Variants in SLC18B1 observed in about 807,000 individuals in gnomAD.
SLC18B1 encodes MFS-type transporter SLC18B1.
Under a neutral mutation model 53.9 loss-of-function variants are expected in SLC18B1, and 62 were observed. That is an observed-to-expected ratio of 1.15 (90% CI 0.94 to 1.42). The LOEUF (loss-of-function observed/expected upper bound fraction) is 1.42. Among genes scored for constraint, SLC18B1 ranks in the 40% most tolerant of loss-of-function variants. The pLI, the probability that SLC18B1 is intolerant of heterozygous loss-of-function variation, is 0.00. For synonymous variants in SLC18B1, 217 were observed against 200.9 expected (o/e 1.08, Z -0.68); for missense variants, 598 against 547.3 (o/e 1.09, Z -0.93).
Position 132,779,414 on chromosome 6 carries a change from A to G in SLC18B1, c.659-10T>C, listed in dbSNP as rs766206166. On this transcript the variant is annotated splice_polypyrimidine_tract_variant and intron_variant, in intron 6 of 13. Coordinates refer to ENST00000275227, the MANE Select transcript of SLC18B1 (RefSeq NM_052831.3). Reference sequence around the variant, plus strand: ...TCACCTGGATCAGACTCTTTAGGGAAAAAATGAAAAAAGAAAAAAAAAATG... The same window carrying G: ...TCACCTGGATCAGACTCTTTAGGGAGAAAATGAAAAAAGAAAAAAAAAATG... The G allele has an allele frequency of 6.4e-7, 1 of 1,567,970 alleles. No homozygotes were observed. Among genetic ancestry groups the G allele is most frequent in the Non-Finnish European group, 8.6e-7 (1 of 1,156,628 alleles).
In SLC18B1 at chr6:132,790,291, G is replaced by T; in HGVS notation, c.184-19C>A. On this transcript the variant is annotated intron_variant, in intron 2 of 13. Transcript: ENST00000275227. Reference sequence around the variant, plus strand: ...TTTCAGCCTTTAAGTAATAGAAACGGAAACAAAGTTTCAAAGAAAAATTAG... The same window carrying T: ...TTTCAGCCTTTAAGTAATAGAAACGTAAACAAAGTTTCAAAGAAAAATTAG... 6.7e-7 allele frequency: 1 copy of T among 1,493,324 alleles called. No homozygotes were observed. Among genetic ancestry groups the T allele is most frequent in the South Asian group, 1.3e-5 (1 of 76,214 alleles). The allele number at this position is 1,493,324 out of a possible 1,614,324, so 92.5% of individuals were successfully genotyped here.
chr6:132,779,276 A>C lies in SLC18B1; in HGVS notation c.787T>G (p.Leu263Val), dbSNP rs779973791. The C allele has an allele frequency of 6.2e-7, 1 of 1,613,930 alleles. No individual in the cohort carries two copies. The highest frequency in any genetic ancestry group is 1.7e-5 in the Admixed American group (1 of 60,008). The change falls in exon 7 of 14, where the codon TTG becomes GTG. Residue 263 changes from leucine to valine, a missense_variant. Transcript: ENST00000275227. ...FLDPTLSLFV[L>V]EKFNLPAGYV... ...GCAATCAGGTAACTTACCTTCTCCA[A>C]AACAAAGAGAGACAGAGTAGGATCG...
intron 3 of SLC18B1, 87 bp from the exon 4 acceptor site, chr6:132,789,924 T>C (rs767251627): frequency 6.7e-6 from 6 of 899,182 alleles, no homozygotes; most frequent in Non-Finnish European, 1.1e-5. Flanking sequence ...TTGGCAAATA[T>C]AGGATAGGGG....
intron 5 of SLC18B1, among the ~76,000 whole-genome samples, chr6:132,785,897 C>CAAAA (rs71545048): frequency 0.024 from 1,915 of 78,924 alleles, 46 homozygotes; most frequent in African/African-American, 0.048. Flanking sequence ...CCTGTCTCTA[C>CAAAA]AAAAAAAAAA....
chr6:132,776,225 T>C (rs1029320176), intron 8 of SLC18B1, 103 bp downstream of exon 8: 4 of 857,640 alleles, frequency 4.7e-6, no homozygotes, highest in South Asian at 3.2e-5. Flanking sequence ...CAATTGAATA[T>C]ATCAAGTCTA....
chr6:132,771,056 C>T lies in SLC18B1; in HGVS notation c.1234G>A (p.Gly412Ser). 1.9e-6 allele frequency: 3 copies of T among 1,614,088 alleles called. No homozygotes were observed. The highest frequency in any genetic ancestry group is 2.2e-5 in the South Asian group (2 of 91,078). ...IGFEWAAAIQ[G>S]LWALISGLAM... ...CTCACACTTATCAGAGCCCATAGAC[C>T]TTGTATAGCTGCTGCCCATTCAAAA... Residue 412 changes from glycine to serine, a missense_variant, in exon 12 of 14, where the codon GGT becomes AGT. Physicochemically the swap from Gly to Ser is moderately conservative, Grantham distance 56. Coordinates refer to ENST00000275227, the MANE Select transcript of SLC18B1 (RefSeq NM_052831.3).
At chr6:132,771,685 C>T (rs562479188) in intron 11 of SLC18B1, among the ~76,000 whole-genome samples, 1 of 152,268 alleles carries the variant, frequency 6.6e-6, no homozygotes, top group South Asian at 2.1e-4. Context: ...TCTGGCTTTC[C>T]CCTAGATGAA....
chr6:132,787,629 T>C (rs765571606), intron 4 of SLC18B1, 48 bp from the exon 5 acceptor site: 14 of 1,470,264 alleles, frequency 9.5e-6, no homozygotes, highest in Non-Finnish European at 1.3e-5. Context: ...GTTTTCTTTT[T>C]TTTTTTTTCC....
At chr6:132,773,414 G>A (rs765343846) in intron 9 of SLC18B1, among the ~76,000 whole-genome samples, 1 of 152,118 alleles carries the variant, frequency 6.6e-6, no homozygotes, top group Non-Finnish European at 1.5e-5. Flanking sequence ...GAAAACGTCA[G>A]TACTAAAACT....
At chr6:132,782,828 G>A (rs548615907) in intron 6 of SLC18B1, among the ~76,000 whole-genome samples, 3 of 150,416 alleles carry the variant, frequency 2.0e-5, no homozygotes, top group East Asian at 1.9e-4. Context: ...AGGCTGGAGC[G>A]CAGTGGCATG....
chr6:132,795,656 A>G (rs1781656936), intron 2 of SLC18B1, among the ~76,000 whole-genome samples: 1 of 152,226 alleles, frequency 6.6e-6, no homozygotes, highest in African/African-American at 2.4e-5. Context: ...GGATTTGGCA[A>G]AAAGCACAAA....
chr6:132,778,482 A>G (rs1781150517), intron 7 of SLC18B1, among the ~76,000 whole-genome samples: 1 of 152,242 alleles, frequency 6.6e-6, no homozygotes, highest in African/African-American at 2.4e-5. Context: ...TAATCTTTAC[A>G]TTCTATGATA....
At chr6:132,796,234 AG>A (rs1216326099) in intron 2 of SLC18B1, among the ~76,000 whole-genome samples, 6 of 150,774 alleles carry the variant, frequency 4.0e-5, no homozygotes, top group Non-Finnish European at 7.4e-5. Context: ...GGGTACCTGT[AG>A]TCCCAGCTAC....
intron 1 of SLC18B1, among the ~76,000 whole-genome samples, chr6:132,798,129 T>C (rs1174196298): frequency 6.6e-6 from 1 of 152,246 alleles, no homozygotes; most frequent in Non-Finnish European, 1.5e-5. Context: ...GGTAACGTTT[T>C]ACATTTGCCT....
At chr6:132,791,335 C>T (rs1021259670) in intron 2 of SLC18B1, among the ~76,000 whole-genome samples, 6 of 152,228 alleles carry the variant, frequency 3.9e-5, no homozygotes, top group African/African-American at 1.2e-4. Context: ...TGCGCACATA[C>T]TTTTGCACTC....
At position 132,783,979 on chromosome 6, in the gene SLC18B1, G is replaced by A. The variant is rs371324225; in HGVS notation, c.612C>T (p.Val204=). Residue 204 remains valine (V), a synonymous_variant, in exon 6 of 14, where the codon GTC becomes GTT. Transcript: ENST00000275227. ...YEVPFIVLGC[V]VLLMVPLNMY... ...TATTGAGTGGTACCATCAGCAAAACGACGCATCCCAGAACAATAAAAGGCA... is the reference window on the plus strand; with the variant it reads ...TATTGAGTGGTACCATCAGCAAAACAACGCATCCCAGAACAATAAAAGGCA... The A allele has an allele frequency of 1.6e-5, 25 of 1,607,250 alleles. No homozygotes were observed. The highest frequency in any genetic ancestry group is 2.7e-5 in the African/African-American group (2 of 74,372).
At chr6:132,785,094 G>A (rs1781335157) in intron 5 of SLC18B1, among the ~76,000 whole-genome samples, 1 of 149,782 alleles carries the variant, frequency 6.7e-6, no homozygotes, top group Non-Finnish European at 1.5e-5. Flanking sequence ...ATGCTCTCTT[G>A]TTCTCGTGCT....
Position 132,798,395 on chromosome 6 carries a change from C to A in SLC18B1, c.43+19G>T. The A allele has an allele frequency of 2.0e-6, 3 of 1,519,126 alleles. No individual in the cohort carries two copies. The highest frequency in any genetic ancestry group is 1.8e-6 in the Non-Finnish European group (2 of 1,131,014). 94.1% of individuals were successfully genotyped at this position (1,519,126 alleles called of 1,614,324 possible). A position where few individuals can be genotyped will look rare whatever the true frequency, so the allele number is the denominator to read the frequency against. ...CCGCCGCTGGTCTCCGGGCTCCCGG[C>A]CACGCAATTCATGGTCACCTCCTGG... is the stretch of plus-strand genomic sequence containing the variant. On this transcript the variant is annotated intron_variant, in intron 1 of 13. Coordinates refer to ENST00000275227, the MANE Select transcript of SLC18B1 (RefSeq NM_052831.3).
intron 2 of SLC18B1, among the ~76,000 whole-genome samples, chr6:132,791,301 C>T (rs1382793904): frequency 6.6e-6 from 1 of 152,186 alleles, no homozygotes; most frequent in Non-Finnish European, 1.5e-5. Context: ...TCGCAAATAA[C>T]TTCATAATAC....
Sources: gnomAD v4.1 joint callset for allele counts (sites outside exome capture counted in the v4.1 genomes callset) on GRCh38, gnomAD v4.1.1 for gene constraint, MANE v1.5 for transcripts, NCBI Gene and HGNC (gene_info 2026-07-23, HGNC 2026-07-21) for gene names.